PCDHA6: variants seen among roughly 807,000 people sequenced by gnomAD.
PCDHA6 encodes the protein protocadherin alpha-6.
In PCDHA6, 55 loss-of-function variants were observed where a neutral mutation model predicts 60.3. The ratio of observed to expected loss-of-function variants is 0.91; its 90% confidence interval spans 0.73 to 1.14. PCDHA6 has a LOEUF of 1.14. PCDHA6 is among the 50% of genes most tolerant of loss of function. The pLI is 0.00. For missense variants in PCDHA6, 1,327 were observed against 1,256.5 expected, an observed-to-expected ratio of 1.06 and a Z score of -0.85; for synonymous variants, 652 against 557.9, an observed-to-expected ratio of 1.17 and a Z score of -2.38.
chr5:140,924,830 G>A (rs1240824600), intron 1 of PCDHA6, among the ~76,000 whole-genome samples: 1 of 151,612 alleles, frequency 6.6e-6, no homozygotes, highest in African/African-American at 2.4e-5. Flanking sequence ...GGGAGGGGGA[G>A]GTTGCAGGGA....
chr5:140,870,288 G>A (rs782327278), intron 1 of PCDHA6: 4 of 1,614,090 alleles, frequency 2.5e-6, no homozygotes, highest in Admixed American at 3.3e-5. Flanking sequence ...TTCCCTTCAA[G>A]CTGGTGTCCA....
intron 1 of PCDHA6, among the ~76,000 whole-genome samples, chr5:140,886,497 T>A (rs2061000599): frequency 6.6e-6 from 1 of 152,160 alleles, no homozygotes; most frequent in Non-Finnish European, 1.5e-5. Context: ...TATATCTTTT[T>A]CCTTTTATGG....
rs2150201069 is a variant in PCDHA6, at chr5:140,832,336, T to C, written c.2394+1851T>C. ...GCTTAAGGGCCATTAGAGGACTGAG[T>C]TGTGGTTTGTGTTTCCTAATGTGAG... On this transcript the variant is annotated intron_variant, in intron 1 of 3. Coordinates refer to ENST00000529310, the MANE Select transcript of PCDHA6 (RefSeq NM_018909.4). Among the ~76,000 whole-genome samples, 820 of 152,216 alleles carry C rather than the reference T, an allele frequency of 5.4e-3. 7 individuals carry two copies. Among genetic ancestry groups the C allele is most frequent in the African/African-American group, 0.018 (760 of 41,540 alleles).
intron 1 of PCDHA6, chr5:140,969,476 A>G: frequency 6.8e-7 from 1 of 1,473,576 alleles, no homozygotes; most frequent in Non-Finnish European, 9.0e-7. Context: ...CAATTTGATC[A>G]TAATCTGCTA....
rs377755323 is a variant in PCDHA6 at position 140,870,200 on chromosome 5, C to T, written c.2394+39715C>T. Reference sequence around the variant, plus strand: ...GTACGAGAGGACGCTCAGCCCAGCACGGTCATTGCCCTGATCAGCGTGTCT... The same window carrying T: ...GTACGAGAGGACGCTCAGCCCAGCATGGTCATTGCCCTGATCAGCGTGTCT... On this transcript the variant is annotated intron_variant, in intron 1 of 3. Transcript: ENST00000529310. 7 of 1,614,172 alleles carry T rather than the reference C, an allele frequency of 4.3e-6. No homozygotes were observed. The African/African-American group carries it at 5.3e-5, about 12-fold the overall frequency.
At chr5:140,860,138 T>C (rs2046209991) in intron 1 of PCDHA6, 2 of 150,752 alleles carry the variant, frequency 1.3e-5, no homozygotes, top group Admixed American at 1.3e-4. Flanking sequence ...TGTGTGTATA[T>C]ATATGTATAT....
chr5:140,936,987 T>A (rs996790487), intron 1 of PCDHA6, among the ~76,000 whole-genome samples: 1 of 152,170 alleles, frequency 6.6e-6, no homozygotes, highest in Non-Finnish European at 1.5e-5. Flanking sequence ...CTTGTTAACA[T>A]TGACAATATT....
intron 3 of PCDHA6, among the ~76,000 whole-genome samples, chr5:140,992,954 C>G (rs1174073844): frequency 6.6e-6 from 1 of 152,190 alleles, no homozygotes; most frequent in Non-Finnish European, 1.5e-5. Context: ...TTAAATCACC[C>G]CTTATACTGC....
chr5:140,879,869 T>C lies in PCDHA6; in HGVS notation c.2394+49384T>C, dbSNP rs782705975. Among the ~76,000 whole-genome samples, 13 of 152,220 alleles carry C rather than the reference T, an allele frequency of 8.5e-5. 1 individual carries two copies. The highest frequency in any genetic ancestry group is 1.5e-4 in the Non-Finnish European group (10 of 68,042). ...CCCATCTCAGCCTTCTCAGCTTTCA[T>C]GGTCACATTGCCTCCTCCTCTCCAT... On this transcript the variant is annotated intron_variant, in intron 1 of 3. Coordinates refer to ENST00000529310, the MANE Select transcript of PCDHA6 (RefSeq NM_018909.4).
At chr5:140,844,441 GTTGTA>G (rs1554140652) in intron 1 of PCDHA6, among the ~76,000 whole-genome samples, 1 of 149,004 alleles carries the variant, frequency 6.7e-6, no homozygotes, top group East Asian at 1.9e-4. Flanking sequence ...GATTTTTACA[GTTGTA>G]TTGTCGCCAA....
chr5:140,851,315 T>G lies in PCDHA6; in HGVS notation c.2394+20830T>G. ...GCAAAAATATATAGCAATTGTTACC[T>G]TGTTAAGTTTGTAGTTCTCTACATT... On this transcript the variant is annotated intron_variant, in intron 1 of 3. Coordinates refer to ENST00000529310, the MANE Select transcript of PCDHA6 (RefSeq NM_018909.4). 7.1e-6 allele frequency: 7 copies of G among 992,586 alleles called. 1 individual carries two copies. The highest frequency in any genetic ancestry group is 8.6e-6 in the Non-Finnish European group (7 of 809,654). 61.5% of individuals were successfully genotyped at this position (992,586 alleles called of 1,614,324 possible).
intron 1 of PCDHA6, among the ~76,000 whole-genome samples, chr5:140,923,413 G>T (rs2081347795): frequency 6.6e-6 from 1 of 152,062 alleles, no homozygotes; most frequent in Non-Finnish European, 1.5e-5. Context: ...CTATAATCCT[G>T]GCTACTTGGG....
Position 140,846,720 on chromosome 5 carries a change from C to A in PCDHA6, c.2394+16235C>A, listed in dbSNP as rs1311468002. 2.7e-5 allele frequency among the ~76,000 whole-genome samples: 4 copies of A among 149,248 alleles called. 1 individual carries two copies. The highest frequency in any genetic ancestry group is 9.8e-5 in the African/African-American group (4 of 40,682). ...AGAGAAGATTGTAATAACCAGTCTT[C>A]ATTAAACATTAAATAGGACCCTTAC... is the stretch of plus-strand genomic sequence containing the variant. On this transcript the variant is annotated intron_variant, in intron 1 of 3. Transcript: ENST00000529310.
At position 140,850,924 on chromosome 5, in the gene PCDHA6, T is replaced by G. The variant is rs2150502629; in HGVS notation, c.2394+20439T>G. ...TCTAGCATTTTATTTATTTATATAA[T>G]TTTTTTTCTTGAAAGATATTATCGA... On this transcript the variant is annotated intron_variant, in intron 1 of 3. Transcript: ENST00000529310. 179 of 1,517,174 alleles carry G rather than the reference T, an allele frequency of 1.2e-4. 13 individuals carry two copies. The Admixed American group carries it at 3.8e-3, about 32-fold the overall frequency. The allele number at this position is 1,517,174 out of a possible 1,614,324, so 94.0% of individuals were successfully genotyped here. A position where few individuals can be genotyped will look rare whatever the true frequency, so the allele number is the denominator to read the frequency against.
At chr5:140,887,994 C>T (rs1168995086) in intron 1 of PCDHA6, among the ~76,000 whole-genome samples, 1 of 152,016 alleles carries the variant, frequency 6.6e-6, no homozygotes, top group Non-Finnish European at 1.5e-5. Flanking sequence ...ATGTCTCCAC[C>T]GAATAGTCAT....
chr5:140,882,735 G>C, intron 1 of PCDHA6: 1 of 1,614,216 alleles, frequency 6.2e-7, no homozygotes, highest in Non-Finnish European at 8.5e-7. Flanking sequence ...CCACTAGATG[G>C]CGCATCCGAT....
intron 1 of PCDHA6, chr5:140,928,911 A>G: frequency 6.2e-7 from 1 of 1,614,184 alleles, no homozygotes; most frequent in Non-Finnish European, 8.5e-7. Flanking sequence ...TCTGGGAACC[A>G]GGAGGGCAGC....
intron 1 of PCDHA6, chr5:140,876,161 T>C (rs1582262337): frequency 6.2e-7 from 1 of 1,613,960 alleles, no homozygotes; most frequent in Non-Finnish European, 8.5e-7. Flanking sequence ...CAGATTCAAA[T>C]AACCGTCCTG....
chr5:140,884,577 T>G, intron 1 of PCDHA6: 1 of 1,614,230 alleles, frequency 6.2e-7, no homozygotes, highest in Non-Finnish European at 8.5e-7. Context: ...ACGGACCTCA[T>G]GGCCTTCAGT....
Sources: gnomAD v4.1 joint callset for allele counts (sites outside exome capture counted in the v4.1 genomes callset) on GRCh38, gnomAD v4.1.1 for gene constraint, MANE v1.5 for transcripts, NCBI Gene and HGNC (gene_info 2026-07-23, HGNC 2026-07-21) for gene names.